Variants in ACOXL observed in about 807,000 individuals in gnomAD.
The protein encoded by ACOXL is acyl-CoA oxidase like.
Under a neutral mutation model 71.9 loss-of-function variants are expected in ACOXL, and 70 were observed. The ratio of observed to expected loss-of-function variants is 0.97; its 90% CI spans 0.80 to 1.19. ACOXL has a LOEUF of 1.19. Among genes scored for constraint, ACOXL ranks in the 50% most tolerant of loss-of-function variants. ACOXL has a pLI of 0.00. For missense variants in ACOXL, 703 were observed against 736.3 expected (o/e 0.95, Z 0.52); for synonymous variants, 253 against 281.6 (o/e 0.90, Z 1.02).
At chr2:110,987,281 C>A in intron 13 of ACOXL, 64 bp downstream of exon 13, 2 of 1,422,012 alleles carry the variant, frequency 1.4e-6, no homozygotes, top group Non-Finnish European at 1.9e-6. Flanking sequence ...TGAGTTCATA[C>A]AGCCTTGGCA....
intron 15 of ACOXL, among the ~76,000 whole-genome samples, chr2:111,042,070 T>C (rs2065812866): frequency 6.6e-6 from 1 of 152,148 alleles, no homozygotes; most frequent in African/African-American, 2.4e-5. Context: ...TGCTCACATC[T>C]AGGATTTTGC....
intron 2 of ACOXL, among the ~76,000 whole-genome samples, chr2:110,784,448 C>T (rs1450534082): frequency 2.6e-5 from 4 of 152,170 alleles, no homozygotes; most frequent in African/African-American, 7.2e-5. Context: ...AGGCACGAGG[C>T]GAGTCGGTCG....
intron 1 of ACOXL, among the ~76,000 whole-genome samples, chr2:110,743,541 C>T (rs1322290398): frequency 6.6e-6 from 1 of 152,136 alleles, no homozygotes; most frequent in Non-Finnish European, 1.5e-5. Flanking sequence ...AAAAAACAAA[C>T]CCAAGTTCAG....
chr2:110,773,405 T>A (rs1559243518), intron 2 of ACOXL, among the ~76,000 whole-genome samples: 1 of 151,858 alleles, frequency 6.6e-6, no homozygotes, highest in Non-Finnish European at 1.5e-5. Context: ...AAGCCCTGAG[T>A]GTGTTGTGCA....
chr2:110,741,421 CCTGT>C (rs1267130322), intron 1 of ACOXL, among the ~76,000 whole-genome samples: 3 of 152,080 alleles, frequency 2.0e-5, no homozygotes, highest in African/African-American at 4.8e-5. Flanking sequence ...TCCCTCTGTA[CCTGT>C]CTGTCTTCAA....
intron 14 of ACOXL, among the ~76,000 whole-genome samples, chr2:111,007,008 G>C (rs1046462239): frequency 6.6e-6 from 1 of 152,112 alleles, no homozygotes; most frequent in Non-Finnish European, 1.5e-5. Flanking sequence ...TTATGGAAGA[G>C]AATGGAAAGA....
chr2:110,905,181 T>C (rs528417709), intron 10 of ACOXL, among the ~76,000 whole-genome samples: 6 of 151,926 alleles, frequency 3.9e-5, no homozygotes, highest in African/African-American at 9.7e-5. Context: ...CTTTGGTTGG[T>C]TTGGTTCTGT....
intron 11 of ACOXL, among the ~76,000 whole-genome samples, chr2:110,923,532 A>G (rs1361803496): frequency 2.0e-5 from 3 of 152,230 alleles, no homozygotes; most frequent in Admixed American, 2.0e-4. Context: ...TTAGGTGAGC[A>G]GGAAATGGAC....
chr2:111,049,214 C>A lies in ACOXL; in HGVS notation c.1370-4C>A, dbSNP rs1210763522. The A allele has an allele frequency of 1.2e-6, 2 of 1,607,802 alleles. No homozygotes were observed. Among genetic ancestry groups the A allele is most frequent in the Non-Finnish European group, 1.7e-6 (2 of 1,174,398 alleles). ...ATTCACAATTTCCATTTCTTCCCTT[C>A]CAGTTACCTTAGAGCAGTTCTCCCT... is the stretch of plus-strand genomic sequence containing the variant. On this transcript the variant is annotated splice_region_variant and splice_polypyrimidine_tract_variant and intron_variant, in intron 15 of 17. Coordinates refer to ENST00000439055, the MANE Select transcript of ACOXL (RefSeq NM_001142807.4).
At chr2:110,791,324 T>C (rs1398065638) in intron 3 of ACOXL, among the ~76,000 whole-genome samples, 2 of 152,186 alleles carry the variant, frequency 1.3e-5, no homozygotes, top group Non-Finnish European at 2.9e-5. Context: ...AAAATGTGGA[T>C]AAAACACTCT....
At chr2:110,787,499 A>AG (rs1294075598) in intron 3 of ACOXL, among the ~76,000 whole-genome samples, 2 of 147,630 alleles carry the variant, frequency 1.4e-5, no homozygotes, top group African/African-American at 5.0e-5. Context: ...GCACCACTGC[A>AG]TTCCAGCCTG....
intron 14 of ACOXL, among the ~76,000 whole-genome samples, chr2:111,005,821 G>A (rs182240535): frequency 1.3e-5 from 2 of 152,304 alleles, no homozygotes; most frequent in East Asian, 1.9e-4. Flanking sequence ...GGTGGTAGCT[G>A]CTAGATCTAG....
intron 10 of ACOXL, among the ~76,000 whole-genome samples, chr2:110,893,799 G>GT (rs1435989253): frequency 6.6e-6 from 1 of 151,966 alleles, no homozygotes; most frequent in African/African-American, 2.4e-5. Context: ...ATACCTGTCT[G>GT]TTTTTTTATT....
At chr2:110,967,949 A>T (rs2062004639) in intron 12 of ACOXL, 19 of 941,104 alleles carry the variant, frequency 2.0e-5, no homozygotes, top group South Asian at 1.3e-4. Flanking sequence ...TTGGAGATAC[A>T]GGATAAAAAT....
At chr2:110,943,565 G>C (rs2060978734) in intron 12 of ACOXL, among the ~76,000 whole-genome samples, 1 of 152,180 alleles carries the variant, frequency 6.6e-6, no homozygotes, top group Non-Finnish European at 1.5e-5. Flanking sequence ...AGAATGAGCA[G>C]AAGTCACTGG....
intron 9 of ACOXL, among the ~76,000 whole-genome samples, chr2:110,832,485 C>T (rs1689954129): frequency 6.6e-6 from 1 of 150,706 alleles, no homozygotes; most frequent in Non-Finnish European, 1.5e-5. Flanking sequence ...TTGCAGTGAG[C>T]CGAGATTGCG....
intron 16 of ACOXL, among the ~76,000 whole-genome samples, chr2:111,078,302 C>T (rs748016812): frequency 8.6e-5 from 13 of 152,042 alleles, no homozygotes; most frequent in Admixed American, 5.9e-4. Flanking sequence ...TCTTACTCTG[C>T]CGCCCAGGCT....
At chr2:111,002,702 A>G (rs772989592) in intron 14 of ACOXL, among the ~76,000 whole-genome samples, 3 of 152,114 alleles carry the variant, frequency 2.0e-5, no homozygotes, top group Non-Finnish European at 4.4e-5. Flanking sequence ...TTAGGAGTCT[A>G]TCATCTTCTT....
At chr2:110,943,061 G>GAAGGAAGAAAGAA (rs1305441309) in intron 12 of ACOXL, among the ~76,000 whole-genome samples, 2 of 132,984 alleles carry the variant, frequency 1.5e-5, no homozygotes, top group East Asian at 2.3e-4. Flanking sequence ...GAAAGAAAAG[G>GAAGGAAGAAAGAA]AAGAAGGAAG....
Sources: allele counts gnomAD v4.1 joint callset (sites outside exome capture counted in the v4.1 genomes callset), GRCh38; gene constraint gnomAD v4.1.1; transcripts MANE v1.5; gene names NCBI Gene and HGNC (gene_info 2026-07-23, HGNC 2026-07-21).